Variants in ATF6 observed in about 807,000 individuals in gnomAD.
ATF6 encodes cyclic AMP-dependent transcription factor ATF-6 alpha.
Under a neutral mutation model 83.6 loss-of-function variants are expected in ATF6, and 53 were observed. The ratio of observed to expected loss-of-function variants is 0.63; its 90% CI spans 0.51 to 0.80. The LOEUF is 0.80. Ranked by LOEUF, ATF6 falls within the 30% of genes least tolerant of loss-of-function variation. The pLI, the probability that ATF6 is intolerant of heterozygous loss-of-function variation, is 0.00. For missense variants in ATF6, 744 were observed against 797.9 expected (o/e 0.93, Z 0.81); for synonymous variants, 288 against 285.8 (o/e 1.01, Z -0.08).
chr1:161,819,956 C>A, intron 8 of ATF6, 138 bp downstream of exon 8: 1 of 792,972 alleles, frequency 1.3e-6, no homozygotes, highest in Non-Finnish European at 1.8e-6. Context: ...AGTCCTAAAA[C>A]ATTTGCAGTA....
intron 15 of ATF6, among the ~76,000 whole-genome samples, chr1:161,941,972 T>TC (rs1020876999): frequency 2.7e-5 from 4 of 150,130 alleles, no homozygotes; most frequent in Non-Finnish European, 3.0e-5. Context: ...CTTCTTTTTT[T>TC]CGGCGGGGTG....
At chr1:161,801,359 C>CTTTTTTTTTTTTTTTT (rs1170991022) in intron 6 of ATF6, among the ~76,000 whole-genome samples, 8 of 95,288 alleles carry the variant, frequency 8.4e-5, no homozygotes, top group Admixed American at 1.1e-4. Flanking sequence ...TATTTGTAGT[C>CTTTTTTTTTTTTTTTT]TTTTTTTTTT....
intron 6 of ATF6, among the ~76,000 whole-genome samples, chr1:161,800,535 A>T (rs1302639522): frequency 6.6e-6 from 1 of 152,204 alleles, no homozygotes; most frequent in East Asian, 1.9e-4. Context: ...TAAGAACTTA[A>T]CAAAAATTAT....
intron 14 of ATF6, among the ~76,000 whole-genome samples, chr1:161,901,430 GA>G (rs140542554): frequency 0.041 from 4,351 of 106,912 alleles, 126 homozygotes; most frequent in African/African-American, 0.11. Context: ...TGTTTTATTT[GA>G]AAAAAAAAAC....
At chr1:161,827,865 G>A (rs909369224) in intron 9 of ATF6, among the ~76,000 whole-genome samples, 4 of 152,100 alleles carry the variant, frequency 2.6e-5, no homozygotes, top group Non-Finnish European at 5.9e-5. Flanking sequence ...ACTTATAAGG[G>A]TTAATTTTTC....
intron 6 of ATF6, among the ~76,000 whole-genome samples, chr1:161,800,961 T>C (rs1177724881): frequency 1.3e-5 from 2 of 152,206 alleles, no homozygotes. Context: ...TTTTACCATG[T>C]CATCTATAGG....
chr1:161,937,677 G>C, intron 15 of ATF6, among the ~76,000 whole-genome samples: 1 of 151,694 alleles, frequency 6.6e-6, no homozygotes, highest in African/African-American at 2.4e-5. Flanking sequence ...ACTCATAAGT[G>C]GGAGTTGAAC....
rs4040222 is a variant in ATF6, at chr1:161,812,784, C to CTGTGTGTG, written c.910-6823_910-6816dup. Among the ~76,000 whole-genome samples the CTGTGTGTG allele has an allele frequency of 8.2e-3, 1,192 of 145,414 alleles. 16 individuals are homozygous for CTGTGTGTG. The highest frequency in any genetic ancestry group is 0.027 in the African/African-American group (1,078 of 39,490). On this transcript the variant is annotated intron_variant, in intron 7 of 15. Coordinates refer to ENST00000367942, the MANE Select transcript of ATF6 (RefSeq NM_007348.4). ...GATGGAAGTAATAATTTTGCCTCCTCTGTGTGTGTGTGTGTGTGTGTGTGT... is the reference window on the plus strand; with the variant it reads ...GATGGAAGTAATAATTTTGCCTCCTCTGTGTGTGTGTGTGTGTGTGTGTGTGTGTGTGT...
Position 161,812,608 on chromosome 1 carries a change from G to T in ATF6, c.910-7025G>T, listed in dbSNP as rs897962752. On this transcript the variant is annotated intron_variant, in intron 7 of 15. Transcript: ENST00000367942. Reference sequence around the variant, plus strand: ...GGGTTTCACCGTTTTTAGCCGGGATGGTCTCGATCTCCTGACCTCGTGATC... The same window carrying T: ...GGGTTTCACCGTTTTTAGCCGGGATTGTCTCGATCTCCTGACCTCGTGATC... Among the ~76,000 whole-genome samples, 5 of 151,846 alleles carry T rather than the reference G, an allele frequency of 3.3e-5. No homozygotes were observed. In the South Asian group the frequency reaches 1.0e-3, roughly 32 times the overall value.
intron 14 of ATF6, among the ~76,000 whole-genome samples, chr1:161,869,736 A>G (rs766348772): frequency 1.4e-4 from 22 of 152,006 alleles, no homozygotes; most frequent in South Asian, 1.2e-3. Flanking sequence ...AACTTAACCT[A>G]GATTTATTTA....
At chr1:161,850,040 A>G (rs1686579242) in intron 10 of ATF6, among the ~76,000 whole-genome samples, 1 of 152,122 alleles carries the variant, frequency 6.6e-6, no homozygotes, top group South Asian at 2.1e-4. Flanking sequence ...AACCTAGTCC[A>G]TGCCATCATC....
At chr1:161,896,454 G>A (rs959916978) in intron 14 of ATF6, among the ~76,000 whole-genome samples, 1 of 152,156 alleles carries the variant, frequency 6.6e-6, no homozygotes, top group Non-Finnish European at 1.5e-5. Flanking sequence ...TTATTTTGAT[G>A]AGTCTTCAAG....
rs1354469876 is a variant in ATF6, at chr1:161,834,943, A to G, written c.1188-11506A>G. On this transcript the variant is annotated intron_variant, in intron 9 of 15. Coordinates refer to ENST00000367942, the MANE Select transcript of ATF6 (RefSeq NM_007348.4). ...GCCACCATAACTAAGGAATAAAGTA[A>G]CATTCCCAGTCATGAGACATATTGA... Among the ~76,000 whole-genome samples the G allele has an allele frequency of 2.0e-5, 3 of 152,334 alleles. No individual in the cohort carries two copies. In the East Asian group the frequency reaches 5.8e-4, roughly 29 times the overall value.
intron 12 of ATF6, among the ~76,000 whole-genome samples, chr1:161,854,620 C>T (rs1571192241): frequency 1.3e-5 from 2 of 152,276 alleles, no homozygotes; most frequent in East Asian, 3.9e-4. Context: ...GCCTGTAATC[C>T]CAGCACTTTG....
chr1:161,939,331 T>C (rs992804558), intron 15 of ATF6, among the ~76,000 whole-genome samples: 3 of 152,220 alleles, frequency 2.0e-5, no homozygotes, highest in Non-Finnish European at 2.9e-5. Flanking sequence ...TTTTTATATA[T>C]GTATTTTAAG....
intron 15 of ATF6, among the ~76,000 whole-genome samples, chr1:161,945,224 T>A (rs1324888931): frequency 6.6e-6 from 1 of 152,246 alleles, no homozygotes; most frequent in East Asian, 1.9e-4. Context: ...GAATGGCACG[T>A]TAATTACAGA....
At chr1:161,923,481 G>T (rs1688254903) in intron 15 of ATF6, among the ~76,000 whole-genome samples, 2 of 152,144 alleles carry the variant, frequency 1.3e-5, no homozygotes, top group African/African-American at 4.8e-5. Flanking sequence ...ACTTAGCAGA[G>T]CCTCTTCTGA....
At chr1:161,953,074 G>A (rs1303064220) in intron 15 of ATF6, among the ~76,000 whole-genome samples, 1 of 152,062 alleles carries the variant, frequency 6.6e-6, no homozygotes, top group East Asian at 1.9e-4. Flanking sequence ...AATTAGATGA[G>A]CAGTGTTTAG....
chr1:161,888,945 A>ACCTCCACCGG (rs1211119093), intron 14 of ATF6, among the ~76,000 whole-genome samples: 1 of 151,756 alleles, frequency 6.6e-6, no homozygotes, highest in Non-Finnish European at 1.5e-5. Context: ...TTTCCCCAAT[A>ACCTCCACCGG]CCTCCACCGC....
Sources: allele counts gnomAD v4.1 joint callset (sites outside exome capture counted in the v4.1 genomes callset), GRCh38; gene constraint gnomAD v4.1.1; transcripts MANE v1.5; gene names NCBI Gene and HGNC (gene_info 2026-07-23, HGNC 2026-07-21).